OLFM3: variants seen among roughly 807,000 people sequenced by gnomAD.
OLFM3 encodes the protein noelin-3.
A neutral mutation model predicts 48.6 loss-of-function variants in OLFM3; 20 were observed. The observed-to-expected ratio is 0.41, with a 90% CI of 0.29 to 0.60. The LOEUF is 0.60. Ranked by LOEUF, OLFM3 falls within the 20% of genes least tolerant of loss-of-function variation. OLFM3 has a pLI of 0.28. For synonymous variants in OLFM3, 222 were observed against 198.1 expected (o/e 1.12, Z -1.01); for missense variants, 437 against 544.3 (o/e 0.80, Z 1.96).
At chr1:101,912,703 T>C (rs1023761883) in intron 1 of OLFM3, among the ~76,000 whole-genome samples, 2 of 152,214 alleles carry the variant, frequency 1.3e-5, no homozygotes, top group Non-Finnish European at 2.9e-5. Context: ...ATTTGGAGAA[T>C]ATCTAGATGA....
At chr1:101,932,986 G>A (rs565975773) in intron 1 of OLFM3, among the ~76,000 whole-genome samples, 22 of 151,888 alleles carry the variant, frequency 1.4e-4, no homozygotes, top group Non-Finnish European at 2.2e-4. Context: ...GGCAGATCAC[G>A]AGGTCAGGAG....
At chr1:101,893,532 G>T in intron 1 of OLFM3, 1 of 282,930 alleles carries the variant, frequency 3.5e-6, no homozygotes. Context: ...ACCAGGACTG[G>T]AGCCAGGAGA....
At chr1:101,896,526 G>C (rs961890487) in intron 1 of OLFM3, among the ~76,000 whole-genome samples, 5 of 104,416 alleles carry the variant, frequency 4.8e-5, no homozygotes, top group Non-Finnish European at 8.8e-5. Context: ...ACGGAGTCTT[G>C]CTCTGTCACC....
intron 1 of OLFM3, among the ~76,000 whole-genome samples, chr1:101,954,877 T>C (rs995833976): frequency 2.0e-5 from 3 of 152,076 alleles, no homozygotes; most frequent in African/African-American, 7.2e-5. Flanking sequence ...CCTATGAGAA[T>C]TGTCTTCCTC....
At chr1:101,967,263 T>C (rs1162507035) in intron 1 of OLFM3, among the ~76,000 whole-genome samples, 1 of 151,014 alleles carries the variant, frequency 6.6e-6, no homozygotes, top group Admixed American at 6.6e-5. Flanking sequence ...GTCTTCCCTA[T>C]TCAAAACTCT....
chr1:101,974,411 C>A (rs1399272417), intron 1 of OLFM3, among the ~76,000 whole-genome samples: 1 of 152,094 alleles, frequency 6.6e-6, no homozygotes, highest in Non-Finnish European at 1.5e-5. Flanking sequence ...TATCATTCCT[C>A]AGATCAATAA....
At chr1:101,940,891 T>C (rs1659773526) in intron 1 of OLFM3, among the ~76,000 whole-genome samples, 1 of 152,048 alleles carries the variant, frequency 6.6e-6, no homozygotes, top group Non-Finnish European at 1.5e-5. Context: ...TATCCAAGCC[T>C]AAGAAATTGG....
chr1:101,889,418 C>T (rs1016247934), intron 1 of OLFM3, among the ~76,000 whole-genome samples: 12 of 151,988 alleles, frequency 7.9e-5, no homozygotes, highest in Admixed American at 2.0e-4. Flanking sequence ...AGCGAAACAC[C>T]GCATGTTTTC....
chr1:101,816,258 A>T (rs1328573622), intron 4 of OLFM3, among the ~76,000 whole-genome samples: 1 of 152,200 alleles, frequency 6.6e-6, no homozygotes, highest in Non-Finnish European at 1.5e-5. Flanking sequence ...AAGGGAAAAG[A>T]AGCAGGGAGA....
chr1:101,858,105 A>G (rs1051247100), intron 1 of OLFM3, among the ~76,000 whole-genome samples: 4 of 152,066 alleles, frequency 2.6e-5, no homozygotes, highest in Admixed American at 1.3e-4. Context: ...TATTCATGTG[A>G]ACCTCATTAA....
chr1:101,901,533 G>T (rs148368552), intron 1 of OLFM3, among the ~76,000 whole-genome samples: 28 of 152,160 alleles, frequency 1.8e-4, no homozygotes, highest in African/African-American at 6.5e-4. Flanking sequence ...CAAGATGACA[G>T]GGGACACTGT....
intron 1 of OLFM3, among the ~76,000 whole-genome samples, chr1:101,838,754 A>G (rs984618725): frequency 7.9e-5 from 12 of 152,210 alleles, no homozygotes. Flanking sequence ...TGCTGCGACT[A>G]AAGCTCTAAG....
At chr1:101,918,160 T>C (rs1658982856) in intron 1 of OLFM3, among the ~76,000 whole-genome samples, 1 of 152,022 alleles carries the variant, frequency 6.6e-6, no homozygotes, top group Non-Finnish European at 1.5e-5. Flanking sequence ...TGGAGATCTG[T>C]AAAAAATAAA....
intron 1 of OLFM3, among the ~76,000 whole-genome samples, chr1:101,900,901 G>A (rs973797100): frequency 1.3e-5 from 2 of 152,002 alleles, no homozygotes; most frequent in African/African-American, 4.8e-5. Context: ...TTTCAGAAGC[G>A]GGTGCCTATA....
At chr1:101,837,606 G>A (rs1655495427) in intron 1 of OLFM3, 1 of 152,012 alleles carries the variant, frequency 6.6e-6, no homozygotes, top group Admixed American at 6.5e-5. Context: ...AGAGTTTTTG[G>A]CAGAGTCTGC....
At chr1:101,992,191 A>G (rs1021489325) in intron 1 of OLFM3, among the ~76,000 whole-genome samples, 2 of 152,170 alleles carry the variant, frequency 1.3e-5, no homozygotes, top group Non-Finnish European at 2.9e-5. Context: ...CAGAGCATCA[A>G]TCATCACAAT....
chr1:101,930,747 G>A (rs1404596395), intron 1 of OLFM3, among the ~76,000 whole-genome samples: 2 of 152,168 alleles, frequency 1.3e-5, no homozygotes, highest in Non-Finnish European at 2.9e-5. Context: ...CTGCCGTTAT[G>A]ATCTTTCCTT....
chr1:101,923,344 T>G (rs1237242597), intron 1 of OLFM3, among the ~76,000 whole-genome samples: 1 of 152,262 alleles, frequency 6.6e-6, no homozygotes, highest in East Asian at 1.9e-4. Flanking sequence ...TGTGGCCTTG[T>G]CCTTTTAAAT....
intron 1 of OLFM3, among the ~76,000 whole-genome samples, chr1:101,858,157 T>C (rs1040126249): frequency 1.2e-4 from 19 of 152,082 alleles, no homozygotes; most frequent in African/African-American, 4.1e-4. Context: ...ATGTCAATGA[T>C]AAAAAATAAA....
Sources: gnomAD v4.1 joint callset for allele counts (sites outside exome capture counted in the v4.1 genomes callset) on GRCh38, gnomAD v4.1.1 for gene constraint, MANE v1.5 for transcripts, NCBI Gene and HGNC (gene_info 2026-07-23, HGNC 2026-07-21) for gene names.